CSMD3: variants seen among roughly 807,000 people sequenced by gnomAD.
CSMD3 encodes CUB and sushi domain-containing protein 3.
Under a neutral mutation model 435.2 loss-of-function variants are expected in CSMD3, and 177 were observed. The ratio of observed to expected loss-of-function variants is 0.41; its 90% CI spans 0.36 to 0.46. The LOEUF is 0.46. CSMD3 is among the 20% of genes least tolerant of loss of function. The pLI, the probability that CSMD3 is intolerant of heterozygous loss-of-function variation, is 0.34. For synonymous variants in CSMD3, 1,656 were observed against 1,520.5 expected, an observed-to-expected ratio of 1.09 and a Z score of -2.07; for missense variants, 4,265 against 4,504.6, an observed-to-expected ratio of 0.95 and a Z score of 1.52.
chr8:112,911,641 ATGTGTGTG>A (rs10609412), intron 10 of CSMD3, among the ~76,000 whole-genome samples: 46,449 of 146,834 alleles, frequency 0.32, 7,458 homozygotes, highest in African/African-American at 0.38. Flanking sequence ...GTACATATAT[ATGTGTGTG>A]TGTGTGTGTG....
chr8:113,205,725 C>T (rs1234676425), intron 3 of CSMD3, among the ~76,000 whole-genome samples: 1 of 152,094 alleles, frequency 6.6e-6, no homozygotes, highest in Non-Finnish European at 1.5e-5. Flanking sequence ...CATTTTTATT[C>T]TATAACCTCC....
At chr8:112,740,386 T>C (rs2077278091) in intron 13 of CSMD3, among the ~76,000 whole-genome samples, 1 of 151,668 alleles carries the variant, frequency 6.6e-6, no homozygotes, top group Non-Finnish European at 1.5e-5. Context: ...TTCACTTAAA[T>C]AATACATGTC....
intron 53 of CSMD3, among the ~76,000 whole-genome samples, chr8:112,300,975 C>T (rs932391579): frequency 1.3e-5 from 2 of 152,028 alleles, no homozygotes; most frequent in Non-Finnish European, 1.5e-5. Context: ...TGATAATCAG[C>T]AATTTTTAAA....
At chr8:113,003,697 C>A (rs926403796) in intron 6 of CSMD3, among the ~76,000 whole-genome samples, 4 of 151,928 alleles carry the variant, frequency 2.6e-5, no homozygotes, top group Admixed American at 6.6e-5. Flanking sequence ...GAAGAAAAAG[C>A]ATAACTTTGG....
chr8:113,287,244 C>A (rs544586791), intron 2 of CSMD3, among the ~76,000 whole-genome samples: 34 of 152,044 alleles, frequency 2.2e-4, no homozygotes, highest in African/African-American at 8.2e-4. Flanking sequence ...TATGAATTAT[C>A]TTATAATTTT....
intron 27 of CSMD3, among the ~76,000 whole-genome samples, chr8:112,549,599 A>G (rs1040333089): frequency 6.6e-6 from 1 of 152,032 alleles, no homozygotes; most frequent in East Asian, 1.9e-4. Context: ...TCCTTCCTTC[A>G]TACTTTTTTA....
At chr8:112,933,782 C>G (rs2083193216) in intron 9 of CSMD3, among the ~76,000 whole-genome samples, 1 of 151,968 alleles carries the variant, frequency 6.6e-6, no homozygotes, top group African/African-American at 2.4e-5. Context: ...GTTCCAAAAG[C>G]CTGAGCTAGT....
rs751533935 is a variant in CSMD3 at position 112,636,951 on chromosome 8, A to G, written c.3581T>C (p.Ile1194Thr). 6.2e-7 allele frequency: 1 copy of G among 1,613,664 alleles called. No homozygotes were observed. The highest frequency in any genetic ancestry group is 8.5e-7 in the Non-Finnish European group (1 of 1,179,722). The change falls in exon 22 of 71, where the codon ATC becomes ACC. Residue 1194 changes from isoleucine to threonine, a missense_variant. Ile to Thr is a moderately conservative substitution (Grantham distance 89, BLOSUM62 -1). Coordinates refer to ENST00000297405, the MANE Select transcript of CSMD3 (RefSeq NM_198123.2). ...DPGIPQYGSR[I>T]GFNFGIGDTL... ...GTCACCAATCCCAAAGTTGAACCCGATTCGACTACCATATTGAGGAATGCC... is the reference window on the plus strand; with the variant it reads ...GTCACCAATCCCAAAGTTGAACCCGGTTCGACTACCATATTGAGGAATGCC...
chr8:113,124,004 C>T (rs1207299440), intron 4 of CSMD3, among the ~76,000 whole-genome samples: 1 of 151,962 alleles, frequency 6.6e-6, no homozygotes, highest in Non-Finnish European at 1.5e-5. Context: ...CTACCAAAGC[C>T]CCCAAAAACT....
At chr8:112,506,266 A>G (rs1477886959) in intron 29 of CSMD3, among the ~76,000 whole-genome samples, 1 of 152,186 alleles carries the variant, frequency 6.6e-6, no homozygotes, top group African/African-American at 2.4e-5. Context: ...ATTTAAGCTT[A>G]ACATTTCACA....
At chr8:113,204,923 G>A (rs977365792) in intron 3 of CSMD3, among the ~76,000 whole-genome samples, 1 of 151,960 alleles carries the variant, frequency 6.6e-6, no homozygotes, top group Non-Finnish European at 1.5e-5. Flanking sequence ...AGGCAAGGAG[G>A]AGGAAGTCAT....
intron 42 of CSMD3, 68 bp downstream of exon 42, chr8:112,341,409 C>A: frequency 2.0e-6 from 2 of 979,290 alleles, no homozygotes; most frequent in Non-Finnish European, 3.2e-6. Flanking sequence ...AATAATTAGA[C>A]TCAGTTAAAT....
At chr8:112,682,720 G>A (rs553939858) in intron 15 of CSMD3, 84 bp from the exon 16 acceptor site, 2 of 921,876 alleles carry the variant, frequency 2.2e-6, no homozygotes, top group East Asian at 2.4e-5. Context: ...AAAAGAGAGA[G>A]AGAGAAAGAG....
chr8:112,923,822 T>A (rs1564109302), intron 9 of CSMD3, among the ~76,000 whole-genome samples: 1 of 152,192 alleles, frequency 6.6e-6, no homozygotes, highest in Non-Finnish European at 1.5e-5. Flanking sequence ...TGCAGATTTA[T>A]TGGTTGCTAT....
chr8:112,638,911 C>G lies in CSMD3; in HGVS notation c.3311G>C (p.Gly1104Ala). Reference sequence around the variant, plus strand: ...AAAAGTGTGGAAGTTGAACTGCACACCTATTAAGAAAAATAGAAACACTGA... The same window carrying G: ...AAAAGTGTGGAAGTTGAACTGCACAGCTATTAAGAAAAATAGAAACACTGA... ...TWTVDVTHGK[G>A]VQFNFHTFHL... The change falls in exon 21 of 71, where the codon GGT becomes GCT. Residue 1104 changes from glycine to alanine, a missense_variant and splice_region_variant. This residue lies in a region of CSMD3 where 3,255 missense variants were observed against 3,380.2 expected (regional missense o/e 0.96). Transcript: ENST00000297405. The G allele has an allele frequency of 6.3e-7, 1 of 1,598,540 alleles. No homozygotes were observed. Among genetic ancestry groups the G allele is most frequent in the Non-Finnish European group, 8.6e-7 (1 of 1,166,378 alleles).
At chr8:113,267,139 C>A (rs79145318) in intron 3 of CSMD3, among the ~76,000 whole-genome samples, 1 of 151,536 alleles carries the variant, frequency 6.6e-6, no homozygotes, top group East Asian at 1.9e-4. Context: ...AACTCTTATA[C>A]GCTGTTGGTA....
chr8:112,931,920 G>A (rs976491061), intron 9 of CSMD3, among the ~76,000 whole-genome samples: 2 of 152,094 alleles, frequency 1.3e-5, no homozygotes, highest in Non-Finnish European at 2.9e-5. Flanking sequence ...AGTTAGAAGG[G>A]CTATTACCAT....
chr8:112,857,324 A>G (rs2129822357), intron 11 of CSMD3, among the ~76,000 whole-genome samples: 1 of 151,950 alleles, frequency 6.6e-6, no homozygotes, highest in Non-Finnish European at 1.5e-5. Flanking sequence ...AAGGAGAAAT[A>G]AATTTGAGTA....
At chr8:112,329,347 C>T (rs115152592) in intron 45 of CSMD3, among the ~76,000 whole-genome samples, 1 of 152,078 alleles carries the variant, frequency 6.6e-6, no homozygotes, top group Non-Finnish European at 1.5e-5. Flanking sequence ...TTCAAATAAT[C>T]AAAATGACAG....
Sources: allele counts gnomAD v4.1 joint callset (sites outside exome capture counted in the v4.1 genomes callset), GRCh38; gene constraint gnomAD v4.1.1; regional missense constraint gnomAD v4.1.1; transcripts MANE v1.5; gene names NCBI Gene and HGNC (gene_info 2026-07-23, HGNC 2026-07-21).